The following RELN variants were observed in gnomAD, a reference collection of about 807,000 sequenced individuals.
RELN encodes reelin.
Under a neutral mutation model 427.6 loss-of-function variants are expected in RELN, and 108 were observed. The ratio of observed to expected loss-of-function variants is 0.25; its 90% CI spans 0.22 to 0.30. The LOEUF is 0.30. RELN is among the 10% of genes least tolerant of loss of function. RELN has a pLI of 1.00. For synonymous variants in RELN, 1,524 were observed against 1,513.4 expected (o/e 1.01, Z -0.16); for missense variants, 3,715 against 4,302.8 (o/e 0.86, Z 3.82).
At position 103,610,791 on chromosome 7, in the gene RELN, A is replaced by G. The variant is rs1229992034; in HGVS notation, c.2912T>C (p.Met971Thr). 6.2e-7 allele frequency: 1 copy of G among 1,607,348 alleles called. No homozygotes were observed. Among genetic ancestry groups the G allele is most frequent in the Non-Finnish European group, 8.5e-7 (1 of 1,174,052 alleles). Residue 971 changes from methionine (M) to threonine (T), a missense_variant, in exon 22 of 65, where the codon ATG becomes ACG. Coordinates refer to ENST00000428762, the MANE Select transcript of RELN (RefSeq NM_005045.4). Reference sequence around the variant, plus strand: ...TGATGTAAATTCCTGACAACTTGGCATACTTGGAAGGCATTCCTGAAAGAA... The same window carrying G: ...TGATGTAAATTCCTGACAACTTGGCGTACTTGGAAGGCATTCCTGAAAGAA... ...HLVQEECLPS[M>T]PSCQEFTSAS...
intron 51 of RELN, among the ~76,000 whole-genome samples, chr7:103,504,246 T>C (rs1829133926): frequency 6.6e-6 from 1 of 152,198 alleles, no homozygotes; most frequent in Admixed American, 6.5e-5. Context: ...AAGTTATAGT[T>C]AGTATTAATA....
At chr7:103,976,989 A>C (rs1012232168) in intron 1 of RELN, among the ~76,000 whole-genome samples, 1 of 151,890 alleles carries the variant, frequency 6.6e-6, no homozygotes, top group Non-Finnish European at 1.5e-5. Context: ...AGAGGCTTTG[A>C]TATTCCCTCG....
At chr7:103,798,533 C>A (rs1280866340) in intron 3 of RELN, among the ~76,000 whole-genome samples, 3 of 152,112 alleles carry the variant, frequency 2.0e-5, no homozygotes, top group Non-Finnish European at 4.4e-5. Flanking sequence ...AGCGGTTTGG[C>A]CTGTTACCCA....
At chr7:103,797,050 T>C (rs1224204623) in intron 3 of RELN, among the ~76,000 whole-genome samples, 3 of 152,124 alleles carry the variant, frequency 2.0e-5, no homozygotes, top group African/African-American at 7.2e-5. Flanking sequence ...TTCCTTTTAC[T>C]CCTTTAAATG....
intron 64 of RELN, among the ~76,000 whole-genome samples, chr7:103,473,639 A>G (rs1366959594): frequency 6.6e-6 from 1 of 152,236 alleles, no homozygotes; most frequent in East Asian, 1.9e-4. Flanking sequence ...ACATTTATAC[A>G]TATATGCTGT....
intron 34 of RELN, among the ~76,000 whole-genome samples, chr7:103,564,686 T>A (rs914040928): frequency 6.6e-6 from 1 of 151,988 alleles, no homozygotes; most frequent in Non-Finnish European, 1.5e-5. Context: ...GAGGCAAGGA[T>A]CTCGGGGGAG....
chr7:103,629,985 T>C lies in RELN; in HGVS notation c.2657A>G (p.Tyr886Cys). The C allele has an allele frequency of 2.5e-6, 4 of 1,613,720 alleles. No homozygotes were observed. Among genetic ancestry groups the C allele is most frequent in the East Asian group, 2.2e-5 (1 of 44,832 alleles). ...LVEVTQSLGF[Y>C]LGNVQPYCGH... is the part of the protein sequence containing the mutation. ...ACAGTATGGCTGAACATTTCCAAGG[T>C]AGAATCCCAGAGACTGAGTGACCTC... Residue 886 changes from tyrosine (Y) to cysteine (C), a missense_variant, in exon 20 of 65, where the codon TAC (tyrosine) becomes TGC (cysteine). Physicochemically the swap from Tyr to Cys is radical, Grantham distance 194. Around this residue, in one of 4 missense-constraint regions of RELN, gnomAD observed 2,208 missense variants for 2,361.7 expected, o/e 0.93. Transcript: ENST00000428762.
At chr7:103,504,244 GTTAGTA>G (rs1829133839) in intron 51 of RELN, among the ~76,000 whole-genome samples, 1 of 152,108 alleles carries the variant, frequency 6.6e-6, no homozygotes, top group South Asian at 2.1e-4. Context: ...CTAAGTTATA[GTTAGTA>G]TTAATAGAGA....
In RELN at chr7:103,773,233, CCCTCCCTG is replaced by C. The variant is rs1236591744; in HGVS notation, c.544+3316_544+3323del. 2.8e-5 allele frequency among the ~76,000 whole-genome samples: 3 copies of C among 105,768 alleles called. 1 individual carries two copies. Among genetic ancestry groups the C allele is most frequent in the Non-Finnish European group, 5.4e-5 (3 of 55,280 alleles). 69.4% of individuals were successfully genotyped at this position (105,768 alleles called of 152,430 possible). ...TCTCTCTCTCCCTCCCTCCCTCGCT[CCCTCCCTG>C]TCTCTCTCTCCCTCCCTCCCTCTCT... is the stretch of plus-strand genomic sequence containing the variant. On this transcript the variant is annotated intron_variant, in intron 4 of 64. Transcript: ENST00000428762.
chr7:103,754,392 T>C (rs1280121877), intron 4 of RELN, among the ~76,000 whole-genome samples: 1 of 151,876 alleles, frequency 6.6e-6, no homozygotes. Context: ...GAGGGACATT[T>C]GTACTGTATA....
chr7:103,735,617 A>G (rs1264493652), intron 6 of RELN, among the ~76,000 whole-genome samples: 1 of 152,170 alleles, frequency 6.6e-6, no homozygotes, highest in Non-Finnish European at 1.5e-5. Flanking sequence ...TGTTTTCTCA[A>G]GAGCAGTCTA....
In RELN at chr7:103,497,827, G is replaced by T. The variant is rs199505446; in HGVS notation, c.8943C>A (p.Thr2981=). 1.9e-6 allele frequency: 3 copies of T among 1,613,914 alleles called. No homozygotes were observed. Among genetic ancestry groups the T allele is most frequent in the Non-Finnish European group, 8.5e-7 (1 of 1,179,846 alleles). The change falls in exon 55 of 65, where the codon ACC becomes ACA. Residue 2981 remains threonine (T), a synonymous_variant. Coordinates refer to ENST00000428762, the MANE Select transcript of RELN (RefSeq NM_005045.4). ...RKEGVLLDYS[T]DGGITWTLLH... is the part of the protein sequence containing the mutation. ...TTCACCCCTGACACATGCCTCCATC[G>T]GTAGAGTAGTCCAACAGCACGCCTT...
At chr7:103,796,875 C>CAAAAAAAAAAAAAAAA (rs1310087423) in intron 3 of RELN, among the ~76,000 whole-genome samples, 10 of 67,062 alleles carry the variant, frequency 1.5e-4, no homozygotes, top group East Asian at 5.7e-4. Context: ...CTCCATCTCA[C>CAAAAAAAAAAAAAAAA]AAAAAAAAAA....
intron 43 of RELN, 117 bp from the exon 44 acceptor site, chr7:103,540,572 T>C: frequency 2.3e-6 from 2 of 869,246 alleles, no homozygotes; most frequent in Non-Finnish European, 1.9e-6. Context: ...AATATGGCGA[T>C]TTAATGAGTG....
intron 3 of RELN, among the ~76,000 whole-genome samples, chr7:103,777,206 T>G (rs1256654009): frequency 6.6e-6 from 1 of 152,174 alleles, no homozygotes; most frequent in Non-Finnish European, 1.5e-5. Context: ...CAATCAAAGC[T>G]GCGTACAAGG....
At chr7:103,891,962 G>C (rs1359364705) in intron 2 of RELN, among the ~76,000 whole-genome samples, 1 of 152,126 alleles carries the variant, frequency 6.6e-6, no homozygotes, top group Non-Finnish European at 1.5e-5. Flanking sequence ...CGTATGTAGG[G>C]TAAGAGGAAG....
At chr7:103,517,535 T>A (rs893651162) in intron 49 of RELN, among the ~76,000 whole-genome samples, 1 of 152,166 alleles carries the variant, frequency 6.6e-6, no homozygotes, top group Non-Finnish European at 1.5e-5. Flanking sequence ...GAAACATAAC[T>A]CTCTTTTCCT....
At chr7:103,795,029 T>C (rs906509881) in intron 3 of RELN, among the ~76,000 whole-genome samples, 6 of 152,246 alleles carry the variant, frequency 3.9e-5, no homozygotes, top group African/African-American at 1.2e-4. Flanking sequence ...TCTAGGAGTT[T>C]AATTTTCTAT....
At chr7:103,712,559 C>T (rs142670141) in intron 8 of RELN, among the ~76,000 whole-genome samples, 129 of 152,302 alleles carry the variant, frequency 8.5e-4, no homozygotes, top group African/African-American at 3.0e-3. Flanking sequence ...CCTAGAGCAG[C>T]ACTCTATAAT....
Sources: allele counts gnomAD v4.1 joint callset (sites outside exome capture counted in the v4.1 genomes callset), GRCh38; gene constraint gnomAD v4.1.1; regional missense constraint gnomAD v4.1.1; transcripts MANE v1.5; gene names NCBI Gene and HGNC (gene_info 2026-07-23, HGNC 2026-07-21).